Variants in SASH1 observed in about 807,000 individuals in gnomAD.
SASH1 encodes the protein SAM and SH3 domain containing 1.
A neutral mutation model predicts 125.2 loss-of-function variants in SASH1; 44 were observed. The ratio of observed to expected loss-of-function variants is 0.35; its 90% CI spans 0.28 to 0.45. The LOEUF (loss-of-function observed/expected upper bound fraction) is 0.45. SASH1 is among the 20% of genes least tolerant of loss of function. SASH1 has a pLI of 1.00. For missense variants in SASH1, 1,426 were observed against 1,614.5 expected (o/e 0.88, Z 2.00); for synonymous variants, 639 against 649.1 (o/e 0.98, Z 0.24).
At chr6:148,491,374 A>G (rs983558935) in intron 8 of SASH1, among the ~76,000 whole-genome samples, 1 of 152,100 alleles carries the variant, frequency 6.6e-6, no homozygotes, top group South Asian at 2.1e-4. Flanking sequence ...GGTTCAAGCA[A>G]TTGTCCTGCC....
Position 148,507,832 on chromosome 6 carries a change from G to A in SASH1, c.730-6492G>A, listed in dbSNP as rs190235662. Among the ~76,000 whole-genome samples the A allele has an allele frequency of 5.8e-4, 89 of 152,276 alleles. 1 individual carries two copies. In the East Asian group the frequency reaches 0.016, roughly 28 times the overall value. On this transcript the variant is annotated intron_variant, in intron 8 of 19. Transcript: ENST00000367467. ...ACTCACCCAACAGGAGGGACATCTA[G>A]AAACAAGCAACTCACATTGTGCTGT... is the stretch of plus-strand genomic sequence containing the variant.
In SASH1 at chr6:148,525,554, C is replaced by T. The variant is rs1163092476; in HGVS notation, c.1284+189C>T. ...CTGTTCCACGTGGAATGAATGATGA[C>T]CACTCTCACTGCCATCTCCTTCCTT... On this transcript the variant is annotated intron_variant, in intron 11 of 19. Transcript: ENST00000367467. Among the ~76,000 whole-genome samples the T allele has an allele frequency of 3.9e-5, 6 of 152,330 alleles. No individual in the cohort carries two copies. In the East Asian group the frequency reaches 1.2e-3, roughly 29 times the overall value.
chr6:148,525,139 G>A (rs1319671014), intron 10 of SASH1, 152 bp from the exon 11 acceptor site: 2 of 654,330 alleles, frequency 3.1e-6, no homozygotes, highest in Non-Finnish European at 5.5e-6. Flanking sequence ...TGACTCATGT[G>A]TTTTTTTCTC....
chr6:148,491,309 G>T (rs1256332711), intron 8 of SASH1, among the ~76,000 whole-genome samples: 2 of 152,086 alleles, frequency 1.3e-5, no homozygotes. Context: ...TCACTCCGTC[G>T]CTCAGGCTGG....
intron 1 of SASH1, among the ~76,000 whole-genome samples, chr6:148,308,693 G>A (rs945262901): frequency 6.8e-6 from 1 of 146,180 alleles, no homozygotes; most frequent in Admixed American, 6.9e-5. Flanking sequence ...ACCGCACCTG[G>A]CAACTTAGGA....
At chr6:148,194,871 A>T in the SASH1 span, among the ~76,000 whole-genome samples, 3 of 152,224 alleles carry the variant, frequency 2.0e-5, no homozygotes, top group Non-Finnish European at 2.9e-5. Context: ...GCGCCACTGC[A>T]CTCCAGCCTG....
intron 4 of SASH1, among the ~76,000 whole-genome samples, chr6:148,447,977 C>T (rs1294583336): frequency 2.6e-5 from 4 of 152,128 alleles, no homozygotes; most frequent in African/African-American, 4.8e-5. Flanking sequence ...CCTGGGCAAG[C>T]TCCATTCAAT....
Position 148,524,972 on chromosome 6 carries a change from T to C in SASH1, c.1210-319T>C, listed in dbSNP as rs540859834. ...AGTTCTGTGCTGGAGACAGGGAATC[T>C]CACAGCACTGGACTCATGGAGGGTT... is the stretch of plus-strand genomic sequence containing the variant. On this transcript the variant is annotated intron_variant, in intron 10 of 19. Transcript: ENST00000367467. The C allele has an allele frequency of 9.3e-5, 27 of 291,878 alleles. No individual in the cohort carries two copies. The South Asian group carries it at 1.0e-3, about 11-fold the overall frequency. The allele number at this position is 291,878 out of a possible 1,614,324, so 18.1% of individuals were successfully genotyped here.
intron 1 of SASH1, among the ~76,000 whole-genome samples, chr6:148,381,617 C>CTTTTT (rs201145545): frequency 0.058 from 4,494 of 77,708 alleles, 845 homozygotes; most frequent in African/African-American, 0.093. Context: ...TTCTTGCTTT[C>CTTTTT]TTTTTTTTTT....
At chr6:148,229,999 A>G in the SASH1 span, among the ~76,000 whole-genome samples, 1 of 152,168 alleles carries the variant, frequency 6.6e-6, no homozygotes. Flanking sequence ...GGCATGAGCC[A>G]CCACGCCTGG....
At chr6:148,258,400 T>C in the SASH1 span, among the ~76,000 whole-genome samples, 2 of 152,212 alleles carry the variant, frequency 1.3e-5, no homozygotes, top group Non-Finnish European at 2.9e-5. Flanking sequence ...AGATTCATAA[T>C]TCCTTTGTAG....
intron 1 of SASH1, among the ~76,000 whole-genome samples, chr6:148,297,205 G>A (rs555932843): frequency 6.6e-6 from 1 of 152,320 alleles, no homozygotes; most frequent in South Asian, 2.1e-4. Context: ...CGACCTTCCA[G>A]AACTACAAAG....
At chr6:148,527,419 C>G (rs775205188) in intron 11 of SASH1, 34 bp from the exon 12 acceptor site, 4 of 1,532,416 alleles carry the variant, frequency 2.6e-6, no homozygotes, top group African/African-American at 1.4e-5. Flanking sequence ...TCATTTTCTG[C>G]GACCAACAAT....
At chr6:148,491,403 G>A (rs2115226442) in intron 8 of SASH1, among the ~76,000 whole-genome samples, 1 of 152,216 alleles carries the variant, frequency 6.6e-6, no homozygotes, top group African/African-American at 2.4e-5. Flanking sequence ...CCGATTAGCT[G>A]GGATTATAGG....
chr6:148,259,302 G>A, the SASH1 span, among the ~76,000 whole-genome samples: 1 of 152,192 alleles, frequency 6.6e-6, no homozygotes, highest in Non-Finnish European at 1.5e-5. Flanking sequence ...TCTATGAAGG[G>A]ACAGGGTTGC....
intron 16 of SASH1, among the ~76,000 whole-genome samples, chr6:148,535,880 G>A (rs1401203265): frequency 1.3e-5 from 2 of 152,104 alleles, no homozygotes; most frequent in Non-Finnish European, 2.9e-5. Context: ...CATGGTTAAT[G>A]GTGGAAAAAA....
chr6:148,196,476 A>G, the SASH1 span, among the ~76,000 whole-genome samples: 1 of 152,222 alleles, frequency 6.6e-6, no homozygotes, highest in African/African-American at 2.4e-5. Flanking sequence ...GAAAGTGGAC[A>G]GTGGTAACTC....
the SASH1 span, among the ~76,000 whole-genome samples, chr6:148,222,071 C>T: frequency 6.6e-6 from 1 of 152,116 alleles, no homozygotes; most frequent in Non-Finnish European, 1.5e-5. Flanking sequence ...AGGTGAACTT[C>T]TTCTCCCCTT....
intron 1 of SASH1, among the ~76,000 whole-genome samples, chr6:148,295,369 C>G (rs914746478): frequency 6.6e-6 from 1 of 152,156 alleles, no homozygotes. Flanking sequence ...TTGCTTTGTC[C>G]CCAAAATTCT....
Sources: gnomAD v4.1 joint callset for allele counts (sites outside exome capture counted in the v4.1 genomes callset) on GRCh38, gnomAD v4.1.1 for gene constraint, MANE v1.5 for transcripts, NCBI Gene and HGNC (gene_info 2026-07-23, HGNC 2026-07-21) for gene names.